Variants in SDK1 observed in about 807,000 individuals in gnomAD.
The protein encoded by SDK1 is protein sidekick-1.
SDK1 carries 157 observed loss-of-function variants against 245.5 expected under a neutral mutation model. The observed-to-expected ratio is 0.64, with a 90% CI of 0.56 to 0.73. The LOEUF (loss-of-function observed/expected upper bound fraction) is 0.73. SDK1 is among the 30% of genes least tolerant of loss of function. The pLI, the probability that SDK1 is intolerant of heterozygous loss-of-function variation, is 0.00. For synonymous variants in SDK1, 1,647 were observed against 1,278.5 expected, an observed-to-expected ratio of 1.29 and a Z score of -6.15; for missense variants, 3,583 against 3,002.3, an observed-to-expected ratio of 1.19 and a Z score of -4.52.
rs544073531 is a variant in SDK1, at chr7:3,901,065, A to T, written c.848-49858A>T. ...TAATCTAATCGTTCCCTGGCCTTTC[A>T]TTTTTTCTCAACATTGACATCTTTG... On this transcript the variant is annotated intron_variant, in intron 5 of 44. Transcript: ENST00000404826. Among the ~76,000 whole-genome samples, 5 of 151,916 alleles carry T rather than the reference A, an allele frequency of 3.3e-5. No homozygotes were observed. The South Asian group carries it at 1.0e-3, about 32-fold the overall frequency.
At chr7:4,148,562 T>G (rs1780144302) in intron 29 of SDK1, among the ~76,000 whole-genome samples, 1 of 152,114 alleles carries the variant, frequency 6.6e-6, no homozygotes, top group Admixed American at 6.5e-5. Context: ...AAGGAGGAAA[T>G]TCAGCGTTAA....
At position 3,707,367 on chromosome 7, in the gene SDK1, C is replaced by T. The variant is rs552171469; in HGVS notation, c.713+65262C>T. Among the ~76,000 whole-genome samples the T allele has an allele frequency of 3.3e-5, 5 of 152,250 alleles. No homozygotes were observed. In the South Asian group the frequency reaches 6.2e-4, roughly 19 times the overall value. ...ACATGTGTTTGTAGTTTTCAAGGTTCCTTTTGTAGTTCATTTCTCATTTTA... is the reference window on the plus strand; with the variant it reads ...ACATGTGTTTGTAGTTTTCAAGGTTTCTTTTGTAGTTCATTTCTCATTTTA... On this transcript the variant is annotated intron_variant, in intron 4 of 44. Transcript: ENST00000404826.
chr7:3,720,559 A>G (rs1350876800), intron 4 of SDK1, among the ~76,000 whole-genome samples: 1 of 152,226 alleles, frequency 6.6e-6, no homozygotes, highest in East Asian at 1.9e-4. Context: ...AATGGATAAA[A>G]TAAAAAAGTT....
Position 3,894,146 on chromosome 7 carries a change from G to A in SDK1, c.848-56777G>A, listed in dbSNP as rs898505396. Among the ~76,000 whole-genome samples, 5 of 152,154 alleles carry A rather than the reference G, an allele frequency of 3.3e-5. No homozygotes were observed. In the East Asian group the frequency reaches 9.6e-4, roughly 29 times the overall value. On this transcript the variant is annotated intron_variant, in intron 5 of 44. Coordinates refer to ENST00000404826, the MANE Select transcript of SDK1 (RefSeq NM_152744.4). ...CATTTCCATCGTTGCAGTTGGACCAGTTTTAAAATATATATATCATAAATA... is the reference window on the plus strand; with the variant it reads ...CATTTCCATCGTTGCAGTTGGACCAATTTTAAAATATATATATCATAAATA...
At position 4,126,844 on chromosome 7, in the gene SDK1, T is replaced by C. The variant is rs76876879; in HGVS notation, c.3824-537T>C. On this transcript the variant is annotated intron_variant, in intron 25 of 44. Coordinates refer to ENST00000404826, the MANE Select transcript of SDK1 (RefSeq NM_152744.4). ...AGTTTTCTGATCGGTAGAAAAGGGG[T>C]AACGATACCTACTTCATTGGGATCA... Among the ~76,000 whole-genome samples the C allele has an allele frequency of 9.4e-3, 1,427 of 152,326 alleles. 21 individuals are homozygous for C. Among genetic ancestry groups the C allele is most frequent in the African/African-American group, 0.032 (1,350 of 41,558 alleles).
Position 4,084,715 on chromosome 7 carries a change from T to C in SDK1, c.3324+5131T>C, listed in dbSNP as rs529439339. Among the ~76,000 whole-genome samples the C allele has an allele frequency of 6.6e-5, 8 of 121,994 alleles. No individual in the cohort carries two copies. In the South Asian group the frequency reaches 1.1e-3, roughly 16 times the overall value. The allele number at this position is 121,994 out of a possible 152,430, so 80.0% of individuals were successfully genotyped here. ...TGTTATGTTATGTTATGTTATGTTA[T>C]GTTATGTTATGTTATGTTGTTACTT... On this transcript the variant is annotated intron_variant, in intron 22 of 44. Coordinates refer to ENST00000404826, the MANE Select transcript of SDK1 (RefSeq NM_152744.4).
At chr7:3,433,757 A>G (rs559488034) in intron 1 of SDK1, among the ~76,000 whole-genome samples, 297 of 152,282 alleles carry the variant, frequency 2.0e-3, no homozygotes, top group Middle Eastern at 6.8e-3. Flanking sequence ...TTGGAGGAAA[A>G]AAGAATACTA....
chr7:3,575,783 T>C (rs1780267656), intron 1 of SDK1, among the ~76,000 whole-genome samples: 1 of 152,074 alleles, frequency 6.6e-6, no homozygotes, highest in African/African-American at 2.4e-5. Context: ...CAGTCTATCA[T>C]GTGTCATTGA....
chr7:3,492,481 G>A (rs1242314925), intron 1 of SDK1, among the ~76,000 whole-genome samples: 3 of 152,202 alleles, frequency 2.0e-5, no homozygotes, highest in South Asian at 2.1e-4. Flanking sequence ...GCGACAGAGC[G>A]AGACTCCGTC....
At chr7:3,491,189 C>G (rs572975284) in intron 1 of SDK1, among the ~76,000 whole-genome samples, 1 of 152,346 alleles carries the variant, frequency 6.6e-6, no homozygotes, top group African/African-American at 2.4e-5. Flanking sequence ...CTTTAGGGAT[C>G]TACAGTTAGG....
chr7:3,739,796 G>A (rs1562408148), intron 4 of SDK1, among the ~76,000 whole-genome samples: 1 of 151,842 alleles, frequency 6.6e-6, no homozygotes, highest in Non-Finnish European at 1.5e-5. Context: ...TTTCCCCCGT[G>A]TATGCTCCAT....
At chr7:3,648,455 T>C (rs1425070021) in intron 4 of SDK1, among the ~76,000 whole-genome samples, 1 of 152,242 alleles carries the variant, frequency 6.6e-6, no homozygotes, top group African/African-American at 2.4e-5. Flanking sequence ...AGCTTTGCAA[T>C]AGACAACTTG....
chr7:3,768,642 C>T (rs142051543), intron 4 of SDK1, among the ~76,000 whole-genome samples: 2 of 152,334 alleles, frequency 1.3e-5, no homozygotes, highest in East Asian at 1.9e-4. Flanking sequence ...CCTAGTCTCA[C>T]ATATTGTCAG....
intron 4 of SDK1, among the ~76,000 whole-genome samples, chr7:3,644,593 A>C (rs988676939): frequency 6.6e-6 from 1 of 151,110 alleles, no homozygotes; most frequent in African/African-American, 2.4e-5. Context: ...CTGAAACCTT[A>C]TCTCTACTGA....
chr7:4,039,439 T>C (rs1788449781), intron 17 of SDK1, among the ~76,000 whole-genome samples: 1 of 152,192 alleles, frequency 6.6e-6, no homozygotes, highest in Non-Finnish European at 1.5e-5. Context: ...CCTGTAGGCC[T>C]TAATGGCTTC....
intron 4 of SDK1, among the ~76,000 whole-genome samples, chr7:3,696,653 T>G (rs1199357885): frequency 6.6e-6 from 1 of 152,016 alleles, no homozygotes; most frequent in Non-Finnish European, 1.5e-5. Flanking sequence ...GTATCTTATG[T>G]AATTATTGTC....
intron 1 of SDK1, among the ~76,000 whole-genome samples, chr7:3,517,604 G>A (rs1339180309): frequency 2.0e-5 from 3 of 152,146 alleles, no homozygotes; most frequent in Non-Finnish European, 4.4e-5. Context: ...GCAGCTCAGA[G>A]CCTGTCCCGC....
At position 4,165,209 on chromosome 7, in the gene SDK1, A is replaced by C. The variant is rs559501318; in HGVS notation, c.4800+3353A>C. Among the ~76,000 whole-genome samples, 5 of 152,206 alleles carry C rather than the reference A, an allele frequency of 3.3e-5. No individual in the cohort carries two copies. In the South Asian group the frequency reaches 6.2e-4, roughly 19 times the overall value. On this transcript the variant is annotated intron_variant, in intron 32 of 44. Transcript: ENST00000404826. ...TTCTGTCTCTACTAAAAATACAAAA[A>C]TTAGCCGGGCGTGGTGATGGGCGCC...
chr7:3,438,092 A>G (rs1161682460), intron 1 of SDK1, among the ~76,000 whole-genome samples: 1 of 152,206 alleles, frequency 6.6e-6, no homozygotes, highest in Admixed American at 6.5e-5. Flanking sequence ...CCCGCACCCC[A>G]GATCTCTTGA....
Sources: allele counts gnomAD v4.1 joint callset (sites outside exome capture counted in the v4.1 genomes callset), GRCh38; gene constraint gnomAD v4.1.1; transcripts MANE v1.5; gene names NCBI Gene and HGNC (gene_info 2026-07-23, HGNC 2026-07-21).